Variants in HIBCH observed in about 807,000 individuals in gnomAD.
HIBCH encodes the protein 3-hydroxyisobutyryl-CoA hydrolase.
In HIBCH, 50 loss-of-function variants were observed where a neutral mutation model predicts 58.2. The ratio of observed to expected loss-of-function variants is 0.86; its 90% CI spans 0.68 to 1.09. The LOEUF is 1.09. Ranked by LOEUF, HIBCH falls within the 50% of genes least tolerant of loss-of-function variation. The pLI is 0.00. For missense variants in HIBCH, 450 were observed against 449.7 expected (o/e 1.00, Z -0.01); for synonymous variants, 151 against 146.9 (o/e 1.03, Z -0.20).
rs190998591 is a variant in HIBCH, at chr2:190,223,239, C to T, written c.892-10164G>A. Among the ~76,000 whole-genome samples the T allele has an allele frequency of 1.2e-4, 18 of 152,172 alleles. No homozygotes were observed. In the East Asian group the frequency reaches 2.7e-3, roughly 23 times the overall value. On this transcript the variant is annotated intron_variant, in intron 11 of 13. Coordinates refer to ENST00000359678, the MANE Select transcript of HIBCH (RefSeq NM_014362.4). ...ACCTATGTAATAAAACTGCACGTTC[C>T]GCACATGTAACCCAGAACTTAAAGT... is the stretch of plus-strand genomic sequence containing the variant.
intron 1 of HIBCH, among the ~76,000 whole-genome samples, chr2:190,318,873 G>A (rs536796372): frequency 2.6e-5 from 4 of 152,216 alleles, no homozygotes; most frequent in Non-Finnish European, 5.9e-5. Flanking sequence ...TGAGAATTAG[G>A]TCTGTGGATA....
chr2:190,195,094 G>A (rs1689906492), intron 1 of HIBCH, among the ~76,000 whole-genome samples: 1 of 152,058 alleles, frequency 6.6e-6, no homozygotes, highest in Non-Finnish European at 1.5e-5. Flanking sequence ...GAACTCCTGG[G>A]CTCAAATGAT....
At chr2:190,302,000 C>G (rs1014863597) in intron 2 of HIBCH, among the ~76,000 whole-genome samples, 1 of 152,194 alleles carries the variant, frequency 6.6e-6, no homozygotes. Flanking sequence ...TACATTCAAA[C>G]CATAGCATGA....
intron 7 of HIBCH, among the ~76,000 whole-genome samples, chr2:190,259,742 T>A (rs1271794435): frequency 6.6e-6 from 1 of 152,230 alleles, no homozygotes; most frequent in Non-Finnish European, 1.5e-5. Context: ...AACAGTTTTT[T>A]ACTGGAGCTG....
intron 4 of HIBCH, among the ~76,000 whole-genome samples, chr2:190,292,546 G>A (rs1361622267): frequency 6.6e-6 from 1 of 152,150 alleles, no homozygotes; most frequent in Non-Finnish European, 1.5e-5. Context: ...CTTGAGCTCA[G>A]GCAATCCTCC....
chr2:190,252,967 T>A (rs1233172437), intron 7 of HIBCH, among the ~76,000 whole-genome samples: 1 of 152,148 alleles, frequency 6.6e-6, no homozygotes, highest in East Asian at 1.9e-4. Context: ...GACAGGCAGA[T>A]CACCTGAGGT....
intron 4 of HIBCH, among the ~76,000 whole-genome samples, chr2:190,291,698 T>G (rs35334255): frequency 6.6e-6 from 1 of 152,168 alleles, no homozygotes. Flanking sequence ...AAATATCTAC[T>G]GAATAGTGAA....
At chr2:190,313,145 T>G (rs371120720) in intron 1 of HIBCH, among the ~76,000 whole-genome samples, 139 of 152,348 alleles carry the variant, frequency 9.1e-4, no homozygotes, top group African/African-American at 3.3e-3. Flanking sequence ...CATGCCTCCT[T>G]GCTTTGTGCT....
chr2:190,251,525 G>C (rs751087177), intron 8 of HIBCH: 11 of 449,312 alleles, frequency 2.4e-5, no homozygotes, highest in South Asian at 1.8e-4. Flanking sequence ...AACACAAGGA[G>C]TTTCAACTAC....
chr2:190,196,764 T>C (rs1689997859), intron 1 of HIBCH, among the ~76,000 whole-genome samples: 1 of 152,216 alleles, frequency 6.6e-6, no homozygotes, highest in African/African-American at 2.4e-5. Flanking sequence ...GATATAGCCA[T>C]GCCCATTTGT....
At chr2:190,230,694 C>CA (rs1239842224) in intron 11 of HIBCH, among the ~76,000 whole-genome samples, 2 of 151,914 alleles carry the variant, frequency 1.3e-5, no homozygotes, top group East Asian at 1.9e-4. Flanking sequence ...GACTCAGTCT[C>CA]AAAAAAAGAA....
At position 190,279,680 on chromosome 2, in the gene HIBCH, A is replaced by T. The variant is rs779710182; in HGVS notation, c.438+7906T>A. 1.7e-4 allele frequency: 26 copies of T among 154,056 alleles called. No individual in the cohort carries two copies. Among genetic ancestry groups the T allele is most frequent in the Non-Finnish European group, 2.3e-4 (16 of 69,562 alleles). The allele number at this position is 154,056 out of a possible 1,614,324, so 9.5% of individuals were successfully genotyped here. A position where few individuals can be genotyped will look rare whatever the true frequency, so the allele number is the denominator to read the frequency against. ...ATCTGCTAGCCTTAATAAAGAAATC[A>T]ATGTACTTCGTGTTCTTAGCTCCCA... is the stretch of plus-strand genomic sequence containing the variant. On this transcript the variant is annotated intron_variant, in intron 6 of 13. Coordinates refer to ENST00000359678, the MANE Select transcript of HIBCH (RefSeq NM_014362.4). This position sits in a 1 kb window ranked among gnomAD's most constrained non-coding sequence, Gnocchi z 4.2.
intron 13 of HIBCH, 140 bp from the exon 14 acceptor site, chr2:190,205,372 C>G: frequency 1.6e-6 from 1 of 619,384 alleles, no homozygotes; most frequent in Middle Eastern, 3.4e-4. Context: ...TATATGTATT[C>G]TATTTTTCTT....
At chr2:190,256,620 G>A (rs1372315208) in intron 7 of HIBCH, among the ~76,000 whole-genome samples, 2 of 151,894 alleles carry the variant, frequency 1.3e-5, no homozygotes, top group African/African-American at 4.8e-5. Flanking sequence ...AAAATTACCA[G>A]CTATCTAAAG....
chr2:190,312,817 G>A lies in HIBCH; in HGVS notation c.36-2021C>T, dbSNP rs576957257. Among the ~76,000 whole-genome samples, 17 of 152,280 alleles carry A rather than the reference G, an allele frequency of 1.1e-4. 1 individual carries two copies. Among genetic ancestry groups the A allele is most frequent in the Admixed American group, 4.6e-4 (7 of 15,302 alleles). On this transcript the variant is annotated intron_variant, in intron 1 of 13. Coordinates refer to ENST00000359678, the MANE Select transcript of HIBCH (RefSeq NM_014362.4). Reference sequence around the variant, plus strand: ...GTACATTAGAATCACCTGGAGACTCGGCTGGGCATGGTGACTCATGCCTGT... The same window carrying A: ...GTACATTAGAATCACCTGGAGACTCAGCTGGGCATGGTGACTCATGCCTGT...
At position 190,236,067 on chromosome 2, in the gene HIBCH, A is replaced by G. The variant is rs2105924794; in HGVS notation, c.891+8820T>C. 6.6e-6 allele frequency among the ~76,000 whole-genome samples: 1 copy of G among 152,332 alleles called. No homozygotes were observed. Among genetic ancestry groups the G allele is most frequent in the Non-Finnish European group, 1.5e-5 (1 of 68,040 alleles). ...GTGTGTGCTAGATATCACTCAATAAAGCAAAAGGTAAGAGGTTGAGAGAAA... is the reference window on the plus strand; with the variant it reads ...GTGTGTGCTAGATATCACTCAATAAGGCAAAAGGTAAGAGGTTGAGAGAAA... On this transcript the variant is annotated intron_variant, in intron 11 of 13. Transcript: ENST00000359678. The surrounding 1 kb of genome is among the most constrained non-coding windows in gnomAD (Gnocchi z 4.1).
chr2:190,275,621 T>C (rs955356972), intron 6 of HIBCH, among the ~76,000 whole-genome samples: 3 of 152,146 alleles, frequency 2.0e-5, no homozygotes, highest in African/African-American at 7.2e-5. Flanking sequence ...AGAAGAAAAG[T>C]AAAATCACTG....
rs1195087236 is a variant in HIBCH at position 190,204,376 on chromosome 2, A to G, written c.*741T>C. On this transcript the variant is annotated 3_prime_UTR_variant, in exon 14 of 14. Transcript: ENST00000359678. ...TCTACCAGATTAACAAATATCACAA[A>G]TAACAAGAAAATAATCCTTTCAGTT... 1 of 152,086 alleles carries G rather than the reference A, an allele frequency of 6.6e-6. No individual in the cohort carries two copies. Among genetic ancestry groups the G allele is most frequent in the Non-Finnish European group, 1.5e-5 (1 of 67,944 alleles). The allele number at this position is 152,086 out of a possible 1,614,324, so 9.4% of individuals were successfully genotyped here. A position where few individuals can be genotyped will look rare whatever the true frequency, so the allele number is the denominator to read the frequency against.
rs1575720554 is a variant in HIBCH at position 190,245,066 on chromosome 2, C to T, written c.810-98G>A. 6 of 806,848 alleles carry T rather than the reference C, an allele frequency of 7.4e-6. No individual in the cohort carries two copies. The East Asian group carries it at 1.5e-4, about 20-fold the overall frequency. The allele number at this position is 806,848 out of a possible 1,614,324, so 50.0% of individuals were successfully genotyped here. ...CATAGGCTTTCCCCCACCTCTGTTTCAATAATGAAAAATTGTCTAACCTCT... is the reference window on the plus strand; with the variant it reads ...CATAGGCTTTCCCCCACCTCTGTTTTAATAATGAAAAATTGTCTAACCTCT... On this transcript the variant is annotated intron_variant, in intron 10 of 13. Coordinates refer to ENST00000359678, the MANE Select transcript of HIBCH (RefSeq NM_014362.4).
Sources: gnomAD v4.1 joint callset for allele counts (sites outside exome capture counted in the v4.1 genomes callset) on GRCh38, gnomAD v4.1.1 for gene constraint, Gnocchi (gnomAD v3.1) non-coding constraint, MANE v1.5 for transcripts, NCBI Gene and HGNC (gene_info 2026-07-23, HGNC 2026-07-21) for gene names.